Variants in MALRD1 observed in about 807,000 individuals in gnomAD.
MALRD1 encodes the protein MAM and LDL-receptor class A domain-containing protein 1.
In MALRD1, 247 loss-of-function variants were observed where a neutral mutation model predicts 242.1. The ratio of observed to expected loss-of-function variants is 1.02; its 90% CI spans 0.92 to 1.13. The LOEUF (loss-of-function observed/expected upper bound fraction) is 1.13. Ranked by LOEUF, MALRD1 falls within the 50% of genes most tolerant of loss-of-function variation. The pLI, the probability that MALRD1 is intolerant of heterozygous loss-of-function variation, is 0.00. For synonymous variants in MALRD1, 995 were observed against 866.6 expected (o/e 1.15, Z -2.60); for missense variants, 2,989 against 2,533.1 (o/e 1.18, Z -3.86).
chr10:19,191,355 G>C (rs1339546431), intron 14 of MALRD1, among the ~76,000 whole-genome samples: 1 of 152,154 alleles, frequency 6.6e-6, no homozygotes, highest in African/African-American at 2.4e-5. Flanking sequence ...ACAAGTGTTG[G>C]TGAGGATGTG....
At chr10:19,660,969 G>A (rs562221997) in intron 36 of MALRD1, among the ~76,000 whole-genome samples, 1 of 152,232 alleles carries the variant, frequency 6.6e-6, no homozygotes, top group African/African-American at 2.4e-5. Context: ...CAAAAAGTGG[G>A]CGAAGGATAT....
intron 14 of MALRD1, among the ~76,000 whole-genome samples, chr10:19,189,812 C>G (rs1294579152): frequency 1.3e-5 from 2 of 151,986 alleles, no homozygotes; most frequent in East Asian, 1.9e-4. Context: ...AGGAAACCAC[C>G]TCAACATAAT....
At chr10:19,097,002 C>T (rs1247144216) in intron 4 of MALRD1, among the ~76,000 whole-genome samples, 1 of 152,198 alleles carries the variant, frequency 6.6e-6, no homozygotes, top group Non-Finnish European at 1.5e-5. Flanking sequence ...TGCTATTTAT[C>T]TACTTAGCAA....
chr10:19,691,287 C>T (rs1395739347), intron 36 of MALRD1, among the ~76,000 whole-genome samples: 1 of 152,002 alleles, frequency 6.6e-6, no homozygotes, highest in Admixed American at 6.6e-5. Flanking sequence ...TCTGATAGGC[C>T]TCCATGAACC....
chr10:19,615,817 A>G lies in MALRD1; in HGVS notation c.6071-40A>G, dbSNP rs760693040. ...ATATCTTCTTCTTCCTCCTAATACT[A>G]TTTATAATTAACTGGTGTCTTTGTG... On this transcript the variant is annotated intron_variant, in intron 35 of 39. Transcript: ENST00000454679. 1.6e-4 allele frequency: 217 copies of G among 1,372,164 alleles called. 1 individual carries two copies. The South Asian group carries it at 2.5e-3, about 16-fold the overall frequency. 85.0% of individuals were successfully genotyped at this position (1,372,164 alleles called of 1,614,324 possible).
intron 2 of MALRD1, among the ~76,000 whole-genome samples, chr10:19,081,812 A>G (rs1835499966): frequency 2.0e-5 from 3 of 152,046 alleles, no homozygotes; most frequent in South Asian, 4.1e-4. Flanking sequence ...TGAATTTCAT[A>G]TAGCGATTTC....
chr10:19,096,814 C>T (rs750255790), intron 4 of MALRD1, among the ~76,000 whole-genome samples: 10 of 152,074 alleles, frequency 6.6e-5, no homozygotes, highest in Non-Finnish European at 1.2e-4. Context: ...TAAAAATGTC[C>T]AAATAGGCGA....
At chr10:19,454,564 C>T (rs1835532301) in intron 29 of MALRD1, among the ~76,000 whole-genome samples, 1 of 150,308 alleles carries the variant, frequency 6.7e-6, no homozygotes, top group Non-Finnish European at 1.5e-5. Context: ...ACCCAATAAA[C>T]CCATTATAAA....
chr10:19,719,645 C>A (rs80067434), intron 38 of MALRD1, among the ~76,000 whole-genome samples: 2,158 of 152,234 alleles, frequency 0.014, 28 homozygotes, highest in African/African-American at 0.035. Flanking sequence ...TGAATCTTTT[C>A]CTCTGCGTTT....
At position 19,205,147 on chromosome 10, in the gene MALRD1, T is replaced by C; in HGVS notation, c.2460T>C (p.Ala820=). The part of the protein sequence containing the change: ...RFENCTLPLP[A]ESCEGLDHFW... ...AAAATTGTACTCTCCCTCTTCCTGC[T>C]GAGAGCTGTGAAGGGCTGGATCATT... The change falls in exon 17 of 40, where the codon GCT becomes GCC. Residue 820 remains alanine, a synonymous_variant. Transcript: ENST00000454679. The C allele has an allele frequency of 6.4e-7, 1 of 1,550,890 alleles. No homozygotes were observed. The highest frequency in any genetic ancestry group is 8.7e-7 in the Non-Finnish European group (1 of 1,147,046).
chr10:19,649,459 G>T (rs988582238), intron 36 of MALRD1, among the ~76,000 whole-genome samples: 2 of 152,034 alleles, frequency 1.3e-5, no homozygotes, highest in African/African-American at 4.8e-5. Context: ...ATCTCATATG[G>T]TTTTGATTGT....
intron 31 of MALRD1, among the ~76,000 whole-genome samples, chr10:19,519,591 A>T (rs955488462): frequency 2.0e-5 from 3 of 152,090 alleles, no homozygotes; most frequent in Admixed American, 2.0e-4. Context: ...AGACATAGTG[A>T]GACCCTGTTG....
intron 28 of MALRD1, among the ~76,000 whole-genome samples, chr10:19,422,592 G>A (rs553494050): frequency 6.6e-6 from 1 of 152,144 alleles, no homozygotes; most frequent in Non-Finnish European, 1.5e-5. Flanking sequence ...GAACAAATGA[G>A]AATTGCATTT....
intron 28 of MALRD1, among the ~76,000 whole-genome samples, chr10:19,402,629 C>G (rs1349689707): frequency 6.6e-6 from 1 of 151,852 alleles, no homozygotes; most frequent in Non-Finnish European, 1.5e-5. Context: ...ACTAATATAC[C>G]CTATCTCCAA....
At chr10:19,063,353 A>T (rs1027606160) in intron 1 of MALRD1, among the ~76,000 whole-genome samples, 1 of 152,114 alleles carries the variant, frequency 6.6e-6, no homozygotes, top group Non-Finnish European at 1.5e-5. Flanking sequence ...TAATTCTTAC[A>T]TTGTGTTCTG....
intron 38 of MALRD1, among the ~76,000 whole-genome samples, chr10:19,713,227 T>C (rs767784756): frequency 3.9e-5 from 6 of 152,242 alleles, no homozygotes; most frequent in Non-Finnish European, 8.8e-5. Context: ...AACTTTCTTA[T>C]TCTTATCATC....
At chr10:19,579,142 T>G (rs1836977190) in intron 33 of MALRD1, among the ~76,000 whole-genome samples, 1 of 152,340 alleles carries the variant, frequency 6.6e-6, no homozygotes, top group Middle Eastern at 3.4e-3. Flanking sequence ...TCTTCAGTGC[T>G]GATCACTGTT....
intron 18 of MALRD1, among the ~76,000 whole-genome samples, chr10:19,225,138 G>A (rs1588723125): frequency 1.3e-5 from 2 of 152,138 alleles, no homozygotes; most frequent in African/African-American, 4.8e-5. Flanking sequence ...TCAGAGATAT[G>A]TTGTATATTT....
intron 33 of MALRD1, among the ~76,000 whole-genome samples, chr10:19,571,011 T>A (rs1836507902): frequency 6.6e-6 from 1 of 152,142 alleles, no homozygotes; most frequent in Non-Finnish European, 1.5e-5. Flanking sequence ...TTTGTTGGAA[T>A]TATTATAGGG....
Sources: gnomAD v4.1 joint callset for allele counts (sites outside exome capture counted in the v4.1 genomes callset) on GRCh38, gnomAD v4.1.1 for gene constraint, MANE v1.5 for transcripts, NCBI Gene and HGNC (gene_info 2026-07-23, HGNC 2026-07-21) for gene names.